Variants in NUP210 observed in about 807,000 individuals in gnomAD.
NUP210 encodes the protein nucleoporin 210, also known as nuclear pore membrane glycoprotein 210.
Under a neutral mutation model 196.0 loss-of-function variants are expected in NUP210, and 151 were observed. The ratio of observed to expected loss-of-function variants is 0.77; its 90% CI spans 0.67 to 0.88. The LOEUF (loss-of-function observed/expected upper bound fraction) is 0.88. NUP210 is among the 40% of genes least tolerant of loss of function. The probability of loss-of-function intolerance (pLI) is 0.00; values close to 1 mark genes in which losing one functional copy is unlikely to be tolerated. For missense variants in NUP210, 2,314 were observed against 2,493.7 expected (o/e 0.93, Z 1.53); for synonymous variants, 1,070 against 1,052.7 (o/e 1.02, Z -0.32).
chr3:13,343,336 TGGTGGG>T, intron 20 of NUP210, 33 bp from the exon 21 acceptor site: 12 of 260,390 alleles, frequency 4.6e-5, no homozygotes, highest in Admixed American at 1.7e-4. Flanking sequence ...GAGGGGTGGG[TGGTGGG>T]TTACGCAGCT....
intron 16 of NUP210, among the ~76,000 whole-genome samples, chr3:13,354,977 A>G (rs946380880): frequency 6.6e-6 from 1 of 152,178 alleles, no homozygotes; most frequent in Non-Finnish European, 1.5e-5. Flanking sequence ...GCATGGGGGC[A>G]GTGTGGGCTG....
intron 20 of NUP210, among the ~76,000 whole-genome samples, chr3:13,351,051 C>T (rs142611372): frequency 4.1e-4 from 62 of 152,204 alleles, no homozygotes; most frequent in Middle Eastern, 3.4e-3. Context: ...TCACTAGAAG[C>T]GCACAAGAGT....
intron 13 of NUP210, among the ~76,000 whole-genome samples, chr3:13,371,522 G>A (rs977407149): frequency 3.3e-5 from 5 of 152,176 alleles, no homozygotes; most frequent in African/African-American, 9.7e-5. Context: ...TATTGACAAC[G>A]CATTCTGAAT....
chr3:13,419,500 G>A (rs1700459697), intron 1 of NUP210, among the ~76,000 whole-genome samples: 1 of 152,162 alleles, frequency 6.6e-6, no homozygotes, highest in Non-Finnish European at 1.5e-5. Flanking sequence ...GGGAAGCGCC[G>A]GCCTGCCTCG....
At chr3:13,319,412 G>T in intron 37 of NUP210, 87 bp from the exon 38 acceptor site, 1 of 1,130,588 alleles carries the variant, frequency 8.8e-7, no homozygotes, top group Non-Finnish European at 1.3e-6. Flanking sequence ...ACGTCTACAG[G>T]GCAGTCCACA....
At chr3:13,338,423 T>C (rs956803729) in intron 25 of NUP210, among the ~76,000 whole-genome samples, 1 of 152,238 alleles carries the variant, frequency 6.6e-6, no homozygotes, top group Non-Finnish European at 1.5e-5. Context: ...TCCTGGCTTC[T>C]TCCTAGTGCT....
At chr3:13,388,575 C>T (rs1166494055) in intron 4 of NUP210, 122 bp from the exon 5 acceptor site, 4 of 1,054,874 alleles carry the variant, frequency 3.8e-6, no homozygotes, top group Non-Finnish European at 5.3e-6. Context: ...TAAGGGGTGT[C>T]CCCCTAGTCA....
intron 30 of NUP210, among the ~76,000 whole-genome samples, chr3:13,330,144 G>A (rs1246188063): frequency 6.6e-6 from 1 of 152,234 alleles, no homozygotes; most frequent in Non-Finnish European, 1.5e-5. Context: ...ACAGTGGGTG[G>A]AGCACCCGCA....
intron 10 of NUP210, among the ~76,000 whole-genome samples, 174 bp downstream of exon 10, chr3:13,376,117 A>T (rs528727870): frequency 2.4e-4 from 36 of 152,354 alleles, no homozygotes; most frequent in South Asian, 8.3e-4. Context: ...CCTAAGGCTG[A>T]TGGGCTTCTT....
At position 13,316,435 on chromosome 3, in the gene NUP210, C is replaced by A. The variant is rs190402156; in HGVS notation, c.*1246G>T. 1.3e-5 allele frequency: 2 copies of A among 152,278 alleles called. No individual in the cohort carries two copies. Among genetic ancestry groups the A allele is most frequent in the Non-Finnish European group, 2.9e-5 (2 of 68,068 alleles). 9.4% of individuals were successfully genotyped at this position (152,278 alleles called of 1,614,324 possible). On this transcript the variant is annotated 3_prime_UTR_variant, in exon 40 of 40. Coordinates refer to ENST00000254508, the MANE Select transcript of NUP210 (RefSeq NM_024923.4). ...CCGTCATCCTGGACTCTCCACACAG[C>A]GTCCACGCATGGATGGCCATGGGCA...
At chr3:13,343,564 G>A (rs1388602913) in intron 20 of NUP210, among the ~76,000 whole-genome samples, 2 of 152,196 alleles carry the variant, frequency 1.3e-5, no homozygotes, top group Admixed American at 6.5e-5. Flanking sequence ...TTAGTGCCAG[G>A]CTGGATCTCA....
At chr3:13,363,005 G>A (rs538934232) in intron 14 of NUP210, among the ~76,000 whole-genome samples, 1 of 152,322 alleles carries the variant, frequency 6.6e-6, no homozygotes, top group African/African-American at 2.4e-5. Context: ...CCCCACTGGA[G>A]TGAAGCTAGT....
At chr3:13,352,708 C>T (rs1192234164) in intron 18 of NUP210, among the ~76,000 whole-genome samples, 1 of 152,218 alleles carries the variant, frequency 6.6e-6, no homozygotes, top group African/African-American at 2.4e-5. Flanking sequence ...CGTGTTTGAG[C>T]ACCTCCTCAG....
Position 13,379,830 on chromosome 3 carries a change from G to A in NUP210, c.818-109C>T. 3 of 847,662 alleles carry A rather than the reference G, an allele frequency of 3.5e-6. No individual in the cohort carries two copies. Among genetic ancestry groups the A allele is most frequent in the Non-Finnish European group, 5.3e-6 (3 of 569,272 alleles). 52.5% of individuals were successfully genotyped at this position (847,662 alleles called of 1,614,324 possible). On this transcript the variant is annotated intron_variant, in intron 6 of 39. Coordinates refer to ENST00000254508, the MANE Select transcript of NUP210 (RefSeq NM_024923.4). The surrounding 1 kb of genome is among the most constrained non-coding windows in gnomAD (Gnocchi z 4.2). ...CCCGAATCTCTGCACTCTGCTCTCA[G>A]TACAGCTGACGCATTTTCTTAATTG...
intron 23 of NUP210, among the ~76,000 whole-genome samples, chr3:13,341,346 T>C (rs1697484854): frequency 6.6e-6 from 1 of 152,228 alleles, no homozygotes; most frequent in Admixed American, 6.5e-5. Flanking sequence ...CCCACTGCCC[T>C]CGAAGTGCCT....
chr3:13,412,886 G>C (rs1207143588), intron 1 of NUP210, among the ~76,000 whole-genome samples: 3 of 151,816 alleles, frequency 2.0e-5, no homozygotes, highest in Admixed American at 6.6e-5. Context: ...CAGGAGAATG[G>C]CGTGAACCCA....
intron 3 of NUP210, among the ~76,000 whole-genome samples, chr3:13,392,088 A>T (rs1469610384): frequency 6.6e-6 from 1 of 152,062 alleles, no homozygotes; most frequent in Admixed American, 6.5e-5. Flanking sequence ...CCTGTTCCAC[A>T]TCCCTCATCC....
intron 20 of NUP210, 114 bp downstream of exon 20, chr3:13,351,765 T>C (rs555987252): frequency 4.1e-6 from 3 of 725,182 alleles, no homozygotes; most frequent in East Asian, 5.3e-5. Flanking sequence ...CCCAAAGTTC[T>C]GGGATTCCGA....
intron 1 of NUP210, among the ~76,000 whole-genome samples, chr3:13,405,786 C>G (rs1229770977): frequency 6.6e-6 from 1 of 152,192 alleles, no homozygotes; most frequent in Non-Finnish European, 1.5e-5. Context: ...CAAAGCCACA[C>G]AGCTGTCAGC....
Sources: gnomAD v4.1 joint callset for allele counts (sites outside exome capture counted in the v4.1 genomes callset) on GRCh38, gnomAD v4.1.1 for gene constraint, Gnocchi (gnomAD v3.1) non-coding constraint, MANE v1.5 for transcripts, NCBI Gene and HGNC (gene_info 2026-07-23, HGNC 2026-07-21) for gene names.